Variants in CFAP43 observed in about 807,000 individuals in gnomAD.
The protein encoded by CFAP43 is cilia- and flagella-associated protein 43.
Under a neutral mutation model 218.9 loss-of-function variants are expected in CFAP43, and 155 were observed. The observed-to-expected ratio is 0.71, with a 90% CI of 0.62 to 0.81. The LOEUF is 0.81. Ranked by LOEUF, CFAP43 falls within the 30% of genes least tolerant of loss-of-function variation. The pLI is 0.00. For synonymous variants in CFAP43, 645 were observed against 681.3 expected, an observed-to-expected ratio of 0.95 and a Z score of 0.83; for missense variants, 1,778 against 1,954.3, an observed-to-expected ratio of 0.91 and a Z score of 1.70.
chr10:104,151,865 G>T (rs922052296), intron 28 of CFAP43, among the ~76,000 whole-genome samples: 7 of 152,084 alleles, frequency 4.6e-5, no homozygotes, highest in African/African-American at 1.7e-4. Flanking sequence ...TTTATAGTTT[G>T]GGGGTTTACA....
At chr10:104,153,920 G>A (rs1179066853) in intron 27 of CFAP43, among the ~76,000 whole-genome samples, 9 of 151,586 alleles carry the variant, frequency 5.9e-5, no homozygotes. Context: ...ATTCAGTTTA[G>A]GTTTGTCTGA....
chr10:104,152,631 C>T lies in CFAP43; in HGVS notation c.3636G>A (p.Val1212=). ...CCTGGTTGGTAACCATCTCTGCCTT[C>T]ACTCTCCTTTCAAAAAGTCTTTTCA... ...EHLKRLFERR[V]KAEMVTNQEE... Residue 1212 remains valine, a synonymous_variant, in exon 28 of 38, where the codon GTG becomes GTA. Transcript: ENST00000357060. 6.2e-7 allele frequency: 1 copy of T among 1,613,896 alleles called. No homozygotes were observed.
intron 1 of CFAP43, among the ~76,000 whole-genome samples, chr10:104,231,728 C>T (rs1026721776): frequency 6.6e-6 from 1 of 152,038 alleles, no homozygotes; most frequent in African/African-American, 2.4e-5. Flanking sequence ...CAAATAAATC[C>T]AAAGCTAGTG....
intron 19 of CFAP43, among the ~76,000 whole-genome samples, chr10:104,174,680 T>A (rs2089544802): frequency 6.6e-6 from 1 of 152,120 alleles, no homozygotes; most frequent in South Asian, 2.1e-4. Flanking sequence ...ACTATAAACT[T>A]TCACTGGAGA....
intron 31 of CFAP43, among the ~76,000 whole-genome samples, chr10:104,144,648 C>CA (rs1222082667): frequency 8.0e-5 from 12 of 150,208 alleles, no homozygotes; most frequent in Middle Eastern, 3.4e-3. Flanking sequence ...GACTCCGTCT[C>CA]AAAAAAAAAG....
Position 104,132,292 on chromosome 10 carries a change from A to G in CFAP43, c.4597-96T>C, listed in dbSNP as rs2087235203. 6.5e-6 allele frequency: 6 copies of G among 920,530 alleles called. No homozygotes were observed. The East Asian group carries it at 1.3e-4, about 20-fold the overall frequency. The allele number at this position is 920,530 out of a possible 1,614,324, so 57.0% of individuals were successfully genotyped here. A position where few individuals can be genotyped will look rare whatever the true frequency, so the allele number is the denominator to read the frequency against. ...TTAGCTTTGAAAGTTACTGTTTTTCATAACAAATATCTATGCAAGTTAAGA... is the reference window on the plus strand; with the variant it reads ...TTAGCTTTGAAAGTTACTGTTTTTCGTAACAAATATCTATGCAAGTTAAGA... On this transcript the variant is annotated intron_variant, in intron 35 of 37. Coordinates refer to ENST00000357060, the MANE Select transcript of CFAP43 (RefSeq NM_025145.7).
chr10:104,157,765 TGTGTGTGTGTGA>T (rs1448545218), intron 27 of CFAP43, among the ~76,000 whole-genome samples: 1 of 121,842 alleles, frequency 8.2e-6, no homozygotes, highest in Non-Finnish European at 1.7e-5. Context: ...TGTGTGTGTG[TGTGTGTGTGTGA>T]GAGAGAGAGA....
chr10:104,201,959 T>G (rs1319964692), intron 8 of CFAP43, among the ~76,000 whole-genome samples: 1 of 152,238 alleles, frequency 6.6e-6, no homozygotes, highest in Non-Finnish European at 1.5e-5. Flanking sequence ...GTAATTATTT[T>G]CTTTCATTAC....
intron 14 of CFAP43, 74 bp from the exon 15 acceptor site, chr10:104,186,197 T>C: frequency 8.3e-7 from 1 of 1,208,128 alleles, no homozygotes; most frequent in Non-Finnish European, 1.1e-6. Flanking sequence ...CAGATATACA[T>C]GCCTGTTGTA....
intron 6 of CFAP43, 149 bp downstream of exon 6, chr10:104,207,516 T>G (rs2090729752): frequency 1.5e-6 from 1 of 672,026 alleles, no homozygotes. Context: ...GCATATAAAG[T>G]GATGGTAGAA....
At chr10:104,210,061 T>A (rs1043849176) in intron 5 of CFAP43, among the ~76,000 whole-genome samples, 1 of 152,186 alleles carries the variant, frequency 6.6e-6, no homozygotes, top group East Asian at 1.9e-4. Flanking sequence ...ACAATGTAAA[T>A]GTTTTATAAA....
chr10:104,176,925 G>T (rs2089651307), intron 19 of CFAP43, among the ~76,000 whole-genome samples: 1 of 152,024 alleles, frequency 6.6e-6, no homozygotes, highest in Non-Finnish European at 1.5e-5. Context: ...TAAAAATAAA[G>T]AACTCCTATA....
intron 5 of CFAP43, among the ~76,000 whole-genome samples, chr10:104,210,103 C>T (rs1043704571): frequency 1.2e-4 from 18 of 151,826 alleles, no homozygotes; most frequent in Non-Finnish European, 1.8e-4. Context: ...TAGGAAATAA[C>T]GAGAAGAAAT....
At position 104,160,938 on chromosome 10, in the gene CFAP43, T is replaced by C. The variant is rs139219269; in HGVS notation, c.3540+99A>G. 387 of 1,220,690 alleles carry C rather than the reference T, an allele frequency of 3.2e-4. 3 individuals carry two copies. The African/African-American group carries it at 5.2e-3, about 17-fold the overall frequency. 75.6% of individuals were successfully genotyped at this position (1,220,690 alleles called of 1,614,324 possible). A position where few individuals can be genotyped will look rare whatever the true frequency, so the allele number is the denominator to read the frequency against. Reference sequence around the variant, plus strand: ...AGAATTTAAGCTGAAACACTGTCCTTAAGCTATTAAAGATATCGACAAAGT... The same window carrying C: ...AGAATTTAAGCTGAAACACTGTCCTCAAGCTATTAAAGATATCGACAAAGT... On this transcript the variant is annotated intron_variant, in intron 27 of 37. Transcript: ENST00000357060.
rs755772996 is a variant in CFAP43 at position 104,214,425 on chromosome 10, T to C, written c.418A>G (p.Asn140Asp). ...SLPEFELALWNWESSIILCKK... is the reference protein window; with the variant it reads ...SLPEFELALWDWESSIILCKK... ...CACAAAATGATACTCGATTCCCAGT[T>C]CCTTAGAGAAAAATAGCATTTGATG... The change falls in exon 4 of 38, where the codon AAC (asparagine) becomes GAC (aspartate). Residue 140 changes from asparagine to aspartate, a missense_variant and splice_region_variant. Transcript: ENST00000357060. 1.9e-6 allele frequency: 3 copies of C among 1,566,808 alleles called. No homozygotes were observed. The highest frequency in any genetic ancestry group is 1.2e-5 in the South Asian group (1 of 84,042).
At chr10:104,205,456 A>G (rs1386144296) in intron 7 of CFAP43, among the ~76,000 whole-genome samples, 1 of 152,144 alleles carries the variant, frequency 6.6e-6, no homozygotes, top group East Asian at 1.9e-4. Flanking sequence ...AGGACCTATA[A>G]GATAATACAA....
At position 104,186,091 on chromosome 10, in the gene CFAP43, G is replaced by A. The variant is rs2090019742; in HGVS notation, c.1893C>T (p.Tyr631=). The A allele has an allele frequency of 9.6e-6, 15 of 1,563,016 alleles. No homozygotes were observed. Among genetic ancestry groups the A allele is most frequent in the Non-Finnish European group, 1.1e-5 (13 of 1,161,320 alleles). The change falls in exon 15 of 38, where the codon TAC becomes TAT. Residue 631 remains tyrosine (Y), a synonymous_variant. Transcript: ENST00000357060. ...CATACTGTCTGCTTTGTACTTTTTT[G>A]TATGGTTTAAGAATGTAGATACCGG... The part of the protein sequence containing the change: ...EHTGIYILKP[Y]KKVQSRQYGP...
chr10:104,192,374 TG>T, intron 11 of CFAP43, 72 bp from the exon 12 acceptor site: 1 of 1,136,268 alleles, frequency 8.8e-7, no homozygotes, highest in East Asian at 2.4e-5. Context: ...GTTTATTGAA[TG>T]GCCACAGAGA....
intron 19 of CFAP43, among the ~76,000 whole-genome samples, chr10:104,176,711 C>A (rs915574168): frequency 6.6e-6 from 1 of 152,148 alleles, no homozygotes; most frequent in African/African-American, 2.4e-5. Flanking sequence ...ATCTTCGAAG[C>A]CCTGAGTTGA....
Sources: gnomAD v4.1 joint callset for allele counts (sites outside exome capture counted in the v4.1 genomes callset) on GRCh38, gnomAD v4.1.1 for gene constraint, MANE v1.5 for transcripts, NCBI Gene and HGNC (gene_info 2026-07-23, HGNC 2026-07-21) for gene names.